EHMT1: variants seen among roughly 807,000 people sequenced by gnomAD.
EHMT1 encodes euchromatic histone lysine methyltransferase 1.
A neutral mutation model predicts 147.2 loss-of-function variants in EHMT1; 15 were observed. The ratio of observed to expected loss-of-function variants is 0.10; its 90% CI spans 0.07 to 0.16. EHMT1 has a LOEUF of 0.16. Among genes scored for constraint, EHMT1 ranks in the 10% least tolerant of loss-of-function variants. The pLI, the probability that EHMT1 is intolerant of heterozygous loss-of-function variation, is 1.00. For synonymous variants in EHMT1, 795 were observed against 709.6 expected (o/e 1.12, Z -1.91); for missense variants, 1,587 against 1,772.4 (o/e 0.90, Z 1.88).
chr9:137,689,107 T>A (rs1438064638), intron 1 of EHMT1, among the ~76,000 whole-genome samples: 1 of 152,242 alleles, frequency 6.6e-6, no homozygotes, highest in African/African-American at 2.4e-5. Flanking sequence ...TGTGACTACT[T>A]GTTCTCCATT....
chr9:137,757,732 A>G (rs1949486236), intron 8 of EHMT1, 148 bp from the exon 9 acceptor site: 7 of 1,183,864 alleles, frequency 5.9e-6, no homozygotes, highest in Non-Finnish European at 8.5e-6. Context: ...GGAATGGTCT[A>G]AACCATAGTG....
intron 1 of EHMT1, among the ~76,000 whole-genome samples, chr9:137,670,857 C>T (rs1940522921): frequency 6.6e-6 from 1 of 152,134 alleles, no homozygotes; most frequent in African/African-American, 2.4e-5. Context: ...TCGCCTTTGC[C>T]GCCGTCTTCC....
rs1453140604 is a variant in EHMT1 at position 137,713,678 on chromosome 9, A to G, written c.85+2648A>G. 4.6e-5 allele frequency among the ~76,000 whole-genome samples: 7 copies of G among 151,880 alleles called. No homozygotes were observed. In the East Asian group the frequency reaches 1.2e-3, roughly 25 times the overall value. ...GAAATACAAGTGATTGGCTGGGCACACTGGCTCATGCCTGTAATCCCAGCA... is the reference window on the plus strand; with the variant it reads ...GAAATACAAGTGATTGGCTGGGCACGCTGGCTCATGCCTGTAATCCCAGCA... On this transcript the variant is annotated intron_variant, in intron 2 of 26. Coordinates refer to ENST00000460843, the MANE Select transcript of EHMT1 (RefSeq NM_024757.5).
intron 2 of EHMT1, 95 bp from the exon 3 acceptor site, chr9:137,716,531 T>A: frequency 1.1e-6 from 1 of 929,330 alleles, no homozygotes; most frequent in Non-Finnish European, 1.5e-6. Context: ...GGGAGGAAGT[T>A]GTGGTGGTGT....
chr9:137,781,709 A>G (rs183901501), intron 14 of EHMT1, among the ~76,000 whole-genome samples: 6 of 152,338 alleles, frequency 3.9e-5, no homozygotes, highest in Admixed American at 2.6e-4. Flanking sequence ...CTCTGGGTTG[A>G]AAAGGATGAT....
intron 1 of EHMT1, among the ~76,000 whole-genome samples, chr9:137,683,814 C>G (rs1469267119): frequency 6.6e-6 from 1 of 152,026 alleles, no homozygotes; most frequent in Non-Finnish European, 1.5e-5. Context: ...TACAATGACA[C>G]GAGTTTATCT....
intron 7 of EHMT1, among the ~76,000 whole-genome samples, chr9:137,753,270 C>T (rs761427947): frequency 4.0e-5 from 6 of 151,780 alleles, no homozygotes; most frequent in East Asian, 1.9e-4. Flanking sequence ...ACACAGGGGC[C>T]GAGCAGCGAG....
chr9:137,737,448 A>T (rs1318312590), intron 4 of EHMT1, among the ~76,000 whole-genome samples: 1 of 152,210 alleles, frequency 6.6e-6, no homozygotes, highest in East Asian at 1.9e-4. Context: ...GGAAGACTGG[A>T]TATCCACATG....
intron 1 of EHMT1, among the ~76,000 whole-genome samples, chr9:137,629,721 G>C (rs1843499821): frequency 6.6e-6 from 1 of 151,610 alleles, no homozygotes; most frequent in Non-Finnish European, 1.5e-5. Context: ...GTAGAAACGG[G>C]GTTTCACCAT....
At chr9:137,658,886 A>G (rs1254650715) in intron 1 of EHMT1, among the ~76,000 whole-genome samples, 1 of 152,052 alleles carries the variant, frequency 6.6e-6, no homozygotes, top group Non-Finnish European at 1.5e-5. Flanking sequence ...CAGCCTCCCA[A>G]AGTGCTGGGA....
intron 1 of EHMT1, among the ~76,000 whole-genome samples, chr9:137,659,741 T>A (rs1938875927): frequency 6.6e-6 from 1 of 151,760 alleles, no homozygotes; most frequent in South Asian, 2.1e-4. Context: ...CACACCTGGC[T>A]AATTTTTGTA....
At chr9:137,818,034 C>T in intron 24 of EHMT1, 26 bp from the exon 25 acceptor site, 1 of 1,613,022 alleles carries the variant, frequency 6.2e-7, no homozygotes, top group South Asian at 1.1e-5. Flanking sequence ...CCTTCCAGGG[C>T]CTCACCTGCA....
intron 15 of EHMT1, chr9:137,784,311 C>T: frequency 7.1e-7 from 1 of 1,408,578 alleles, no homozygotes; most frequent in Non-Finnish European, 9.3e-7. Context: ...TCCATCTTCA[C>T]AGCCTCGTAG....
At chr9:137,783,814 C>T (rs1951750089) in intron 15 of EHMT1, among the ~76,000 whole-genome samples, 1 of 152,254 alleles carries the variant, frequency 6.6e-6, no homozygotes, top group Non-Finnish European at 1.5e-5. Flanking sequence ...CCCCCGTTTC[C>T]GGAGTCATAA....
rs549039910 is a variant in EHMT1 at position 137,782,500 on chromosome 9, C to T, written c.2382+103C>T. ...CGCGGTTCTTCCAGTGTAAGAGTTC[C>T]GTAGTGCTGTGAATCGGGCACAGAG... is the stretch of plus-strand genomic sequence containing the variant. On this transcript the variant is annotated intron_variant, in intron 15 of 26. Transcript: ENST00000460843. This position sits in a 1 kb window ranked among gnomAD's most constrained non-coding sequence, Gnocchi z 5.7. 276 of 1,109,022 alleles carry T rather than the reference C, an allele frequency of 2.5e-4. No individual in the cohort carries two copies. The highest frequency in any genetic ancestry group is 3.3e-4 in the Non-Finnish European group (254 of 762,378). The allele number at this position is 1,109,022 out of a possible 1,614,324, so 68.7% of individuals were successfully genotyped here.
intron 1 of EHMT1, among the ~76,000 whole-genome samples, chr9:137,634,709 T>C (rs1445894510): frequency 1.4e-5 from 2 of 144,600 alleles, no homozygotes; most frequent in Non-Finnish European, 3.0e-5. Context: ...TCTTCTTTCT[T>C]TTTTTTTTTT....
In EHMT1 at chr9:137,697,599, TAGAA is replaced by T. The variant is rs566891135; in HGVS notation, c.22-13366_22-13363del. Reference sequence around the variant, plus strand: ...GTGGTTAAAATCTTACTGTTGAGATTAGAAATTTTTCCTTTGGATCATTTACATT... The same window carrying T: ...GTGGTTAAAATCTTACTGTTGAGATTATTTTTCCTTTGGATCATTTACATT... On this transcript the variant is annotated intron_variant, in intron 1 of 26. Transcript: ENST00000460843. Among the ~76,000 whole-genome samples the T allele has an allele frequency of 1.8e-3, 274 of 152,360 alleles. 2 individuals are homozygous for T. Among genetic ancestry groups the T allele is most frequent in the African/African-American group, 6.1e-3 (252 of 41,588 alleles).
intron 1 of EHMT1, among the ~76,000 whole-genome samples, chr9:137,637,316 C>T (rs1844157547): frequency 1.3e-5 from 2 of 152,134 alleles, no homozygotes; most frequent in Admixed American, 1.3e-4. Context: ...GCTGGGATTA[C>T]AGGCATGCTC....
At chr9:137,797,878 C>T (rs929017910) in intron 16 of EHMT1, among the ~76,000 whole-genome samples, 3 of 152,154 alleles carry the variant, frequency 2.0e-5, no homozygotes, top group Non-Finnish European at 4.4e-5. Context: ...CGTCTGCGGG[C>T]CTGTGTGAGG....
Sources: allele counts gnomAD v4.1 joint callset (sites outside exome capture counted in the v4.1 genomes callset), GRCh38; gene constraint gnomAD v4.1.1; non-coding constraint Gnocchi (gnomAD v3.1); transcripts MANE v1.5; gene names NCBI Gene and HGNC (gene_info 2026-07-23, HGNC 2026-07-21).